The following MARCHF1 variants were observed in gnomAD, a reference collection of about 807,000 sequenced individuals.
MARCHF1 encodes the protein E3 ubiquitin-protein ligase MARCHF1.
A neutral mutation model predicts 54.2 loss-of-function variants in MARCHF1; 40 were observed. The observed-to-expected ratio is 0.74, with a 90% CI of 0.57 to 0.96. The LOEUF (loss-of-function observed/expected upper bound fraction) is 0.96. MARCHF1 is among the 40% of genes least tolerant of loss of function. The pLI is 0.00. For synonymous variants in MARCHF1, 236 were observed against 236.3 expected (o/e 1.00, Z 0.01); for missense variants, 586 against 656.5 (o/e 0.89, Z 1.17).
At chr4:164,369,817 T>C (rs188079100) in intron 1 of MARCHF1, among the ~76,000 whole-genome samples, 4 of 152,272 alleles carry the variant, frequency 2.6e-5, no homozygotes, top group Admixed American at 2.0e-4. Flanking sequence ...CGAACATCTA[T>C]CTAGCCTACA....
chr4:163,795,274 G>A (rs1561081437), intron 4 of MARCHF1, among the ~76,000 whole-genome samples: 1 of 152,032 alleles, frequency 6.6e-6, no homozygotes, highest in South Asian at 2.1e-4. Context: ...TTGTTGCCCA[G>A]GCTGGAGTGC....
At chr4:164,357,273 C>A (rs1730586197) in intron 1 of MARCHF1, among the ~76,000 whole-genome samples, 1 of 152,042 alleles carries the variant, frequency 6.6e-6, no homozygotes, top group South Asian at 2.1e-4. Context: ...GAATCTGTAT[C>A]TTTGTCTTTT....
At chr4:164,235,814 G>A (rs1732536407) in intron 1 of MARCHF1, among the ~76,000 whole-genome samples, 1 of 152,016 alleles carries the variant, frequency 6.6e-6, no homozygotes, top group East Asian at 1.9e-4. Context: ...GGTGATGGGT[G>A]TACTACAATC....
At chr4:163,910,570 C>T (rs1156509149) in intron 3 of MARCHF1, among the ~76,000 whole-genome samples, 1 of 152,182 alleles carries the variant, frequency 6.6e-6, no homozygotes, top group Non-Finnish European at 1.5e-5. Context: ...TCTTGGCTCA[C>T]TGCACCCTTC....
At chr4:164,145,225 C>A (rs549292611) in intron 1 of MARCHF1, among the ~76,000 whole-genome samples, 1 of 152,076 alleles carries the variant, frequency 6.6e-6, no homozygotes, top group African/African-American at 2.4e-5. Context: ...GGATTCACAG[C>A]CGAATTTTAC....
intron 3 of MARCHF1, among the ~76,000 whole-genome samples, chr4:163,878,007 C>T (rs549104148): frequency 2.2e-4 from 34 of 152,220 alleles, no homozygotes; most frequent in African/African-American, 7.0e-4. Context: ...ATTCGTGAGA[C>T]GTTTCTCAAG....
intron 4 of MARCHF1, among the ~76,000 whole-genome samples, chr4:163,748,257 A>T (rs182471767): frequency 6.6e-6 from 1 of 152,128 alleles, no homozygotes; most frequent in Non-Finnish European, 1.5e-5. Context: ...AGTTTTTCCC[A>T]CCACTCTGTT....
At chr4:163,974,387 T>A (rs1752608713) in intron 3 of MARCHF1, among the ~76,000 whole-genome samples, 3 of 152,208 alleles carry the variant, frequency 2.0e-5, no homozygotes, top group Admixed American at 2.0e-4. Context: ...CAAACAGCTA[T>A]GTGTGGGTGT....
intron 2 of MARCHF1, among the ~76,000 whole-genome samples, chr4:164,048,804 T>C (rs1384428519): frequency 6.6e-6 from 1 of 152,162 alleles, no homozygotes. Context: ...TTTCATCTTC[T>C]TTTACTCAAT....
intron 1 of MARCHF1, among the ~76,000 whole-genome samples, chr4:164,116,248 A>G (rs1009626632): frequency 6.6e-6 from 1 of 152,178 alleles, no homozygotes; most frequent in Non-Finnish European, 1.5e-5. Flanking sequence ...AGAATGCTAG[A>G]AAATAGCATA....
chr4:163,541,005 C>T (rs990586217), intron 9 of MARCHF1, among the ~76,000 whole-genome samples: 6 of 151,780 alleles, frequency 4.0e-5, no homozygotes, highest in African/African-American at 1.2e-4. Context: ...CCAGCCTGGG[C>T]GAGAGGAGTG....
intron 1 of MARCHF1, among the ~76,000 whole-genome samples, chr4:164,239,362 C>T (rs1008020442): frequency 6.6e-6 from 1 of 152,038 alleles, no homozygotes; most frequent in Admixed American, 6.6e-5. Flanking sequence ...ACCTGTATGG[C>T]AGACACTTGA....
intron 3 of MARCHF1, among the ~76,000 whole-genome samples, chr4:163,913,126 T>C (rs1294874368): frequency 1.3e-5 from 2 of 152,214 alleles, no homozygotes; most frequent in African/African-American, 4.8e-5. Context: ...TACAAAATTA[T>C]AGAAACATGG....
intron 1 of MARCHF1, among the ~76,000 whole-genome samples, chr4:164,227,041 A>T (rs539022906): frequency 6.6e-6 from 1 of 152,114 alleles, no homozygotes; most frequent in Non-Finnish European, 1.5e-5. Context: ...CTGAATAATA[A>T]ATTTGTTAAT....
intron 4 of MARCHF1, among the ~76,000 whole-genome samples, chr4:163,766,901 T>C (rs1053856809): frequency 6.6e-6 from 1 of 152,130 alleles, no homozygotes; most frequent in Non-Finnish European, 1.5e-5. Context: ...TTTACTCATA[T>C]GTAAAAAATA....
intron 4 of MARCHF1, among the ~76,000 whole-genome samples, chr4:163,703,050 C>T (rs900168404): frequency 2.6e-5 from 4 of 152,094 alleles, no homozygotes; most frequent in African/African-American, 9.7e-5. Context: ...CTTCAATTTC[C>T]TCATTGTAAA....
intron 2 of MARCHF1, among the ~76,000 whole-genome samples, chr4:164,031,922 G>A (rs1437882303): frequency 6.6e-6 from 1 of 152,148 alleles, no homozygotes; most frequent in Non-Finnish European, 1.5e-5. Context: ...GCTCCTCTTT[G>A]TACCTCTGGT....
chr4:163,569,079 C>A (rs767217590), intron 8 of MARCHF1, among the ~76,000 whole-genome samples: 5 of 152,120 alleles, frequency 3.3e-5, no homozygotes, highest in Non-Finnish European at 7.4e-5. Flanking sequence ...TTTCAAGGTT[C>A]TTGAACCAAA....
At chr4:163,564,878 T>TC (rs1739593300) in intron 8 of MARCHF1, among the ~76,000 whole-genome samples, 1 of 152,062 alleles carries the variant, frequency 6.6e-6, no homozygotes, top group African/African-American at 2.4e-5. Context: ...AAACACTTTT[T>TC]TTTTTTCATG....
Sources: gnomAD v4.1 joint callset for allele counts (sites outside exome capture counted in the v4.1 genomes callset) on GRCh38, gnomAD v4.1.1 for gene constraint, MANE v1.5 for transcripts, NCBI Gene and HGNC (gene_info 2026-07-23, HGNC 2026-07-21) for gene names.